The following PTPRO variants were observed in gnomAD, a reference collection of about 807,000 sequenced individuals.
PTPRO encodes the protein receptor-type tyrosine-protein phosphatase O.
Under a neutral mutation model 145.2 loss-of-function variants are expected in PTPRO, and 62 were observed. That is an observed-to-expected ratio of 0.43 (90% CI 0.35 to 0.53). The LOEUF (loss-of-function observed/expected upper bound fraction) is 0.53. Among genes scored for constraint, PTPRO ranks in the 20% least tolerant of loss-of-function variants. PTPRO has a pLI of 0.01. For synonymous variants in PTPRO, 565 were observed against 514.7 expected (o/e 1.10, Z -1.32); for missense variants, 1,345 against 1,482.7 (o/e 0.91, Z 1.53).
intron 1 of PTPRO, among the ~76,000 whole-genome samples, chr12:15,419,887 C>A (rs1291559987): frequency 6.6e-6 from 1 of 151,540 alleles, no homozygotes; most frequent in East Asian, 1.9e-4. Flanking sequence ...GTGGCTCACG[C>A]CTGTAATCCC....
chr12:15,546,708 G>C lies in PTPRO; in HGVS notation c.2304G>C (p.Gln768His). The change falls in exon 13 of 27, where the codon CAG (glutamine) becomes CAC (histidine). Residue 768 changes from glutamine to histidine, a missense_variant and splice_region_variant. By Grantham distance (24) the Gln-to-His change is conservative. Transcript: ENST00000281171. ...QVGSSQKTKL[Q>H]EPVAVSSHVV... ...GCTCCAGTCAGAAAACCAAACTTCA[G>C]GTACTGTACCTTTTGATCTACCTTT... 6.2e-7 allele frequency: 1 copy of C among 1,613,922 alleles called. No individual in the cohort carries two copies. The highest frequency in any genetic ancestry group is 8.5e-7 in the Non-Finnish European group (1 of 1,179,914).
At chr12:15,442,343 C>G (rs770225456) in intron 1 of PTPRO, among the ~76,000 whole-genome samples, 10 of 152,042 alleles carry the variant, frequency 6.6e-5, no homozygotes, top group Non-Finnish European at 1.3e-4. Flanking sequence ...AAGGAACATA[C>G]TTCAAAATAA....
At chr12:15,534,875 C>A (rs1177619253) in intron 12 of PTPRO, among the ~76,000 whole-genome samples, 1 of 152,170 alleles carries the variant, frequency 6.6e-6, no homozygotes, top group Non-Finnish European at 1.5e-5. Context: ...TTTGTGCCAG[C>A]TTTAAAAATT....
At chr12:15,468,436 C>G (rs1941466159) in intron 1 of PTPRO, among the ~76,000 whole-genome samples, 1 of 152,156 alleles carries the variant, frequency 6.6e-6, no homozygotes, top group African/African-American at 2.4e-5. Context: ...ATTTTGGTTT[C>G]TCATCCACAT....
intron 1 of PTPRO, among the ~76,000 whole-genome samples, chr12:15,402,710 G>A (rs1207416056): frequency 1.3e-5 from 2 of 152,110 alleles, no homozygotes; most frequent in East Asian, 3.9e-4. Context: ...TTGCCTTTAT[G>A]TTTGTTATTT....
At position 15,501,609 on chromosome 12, in the gene PTPRO, C is replaced by T; in HGVS notation, c.662-11C>T. The T allele has an allele frequency of 6.2e-7, 1 of 1,605,640 alleles. No homozygotes were observed. The highest frequency in any genetic ancestry group is 1.1e-5 in the South Asian group (1 of 90,840). On this transcript the variant is annotated splice_polypyrimidine_tract_variant and intron_variant, in intron 4 of 26. Coordinates refer to ENST00000281171, the MANE Select transcript of PTPRO (RefSeq NM_030667.3). ...AAAAATACTTGAAAATGAAAATTCT[C>T]TCTCTTACAGCCCCTTATCCACCTC... is the stretch of plus-strand genomic sequence containing the variant.
chr12:15,569,404 G>C lies in PTPRO; in HGVS notation c.2748-13G>C, dbSNP rs377393814. The C allele has an allele frequency of 5.0e-5, 80 of 1,599,268 alleles. No individual in the cohort carries two copies. Among genetic ancestry groups the C allele is most frequent in the Non-Finnish European group, 6.5e-5 (76 of 1,166,798 alleles). On this transcript the variant is annotated splice_polypyrimidine_tract_variant and intron_variant, in intron 18 of 26. Transcript: ENST00000281171. The stretch of plus-strand genomic sequence containing the variant: ...TTTTAAAATGTATGTATATTTCTTT[G>C]TGTTTGGCAAAGCCCGGTTCAACTG...
At chr12:15,445,616 C>A (rs1940881540) in intron 1 of PTPRO, among the ~76,000 whole-genome samples, 1 of 152,094 alleles carries the variant, frequency 6.6e-6, no homozygotes, top group Non-Finnish European at 1.5e-5. Context: ...AATGTTCTGT[C>A]CCGCTTTGAG....
intron 1 of PTPRO, among the ~76,000 whole-genome samples, chr12:15,369,987 G>A (rs1188360002): frequency 6.6e-6 from 1 of 152,130 alleles, no homozygotes; most frequent in Non-Finnish European, 1.5e-5. Context: ...GGGAAGTGGA[G>A]GTTGCAGTGA....
chr12:15,519,494 T>C (rs1172705044), intron 9 of PTPRO, among the ~76,000 whole-genome samples: 19 of 152,244 alleles, frequency 1.2e-4, no homozygotes, highest in Non-Finnish European at 2.1e-4. Flanking sequence ...ATTGAATGTA[T>C]TTGTTAATCA....
intron 1 of PTPRO, among the ~76,000 whole-genome samples, chr12:15,477,623 G>A (rs928645431): frequency 6.6e-6 from 1 of 152,130 alleles, no homozygotes; most frequent in Admixed American, 6.5e-5. Flanking sequence ...CAAGGGTATG[G>A]GGGCATTAAG....
chr12:15,564,148 A>G (rs2135593044), intron 17 of PTPRO, among the ~76,000 whole-genome samples: 2 of 152,326 alleles, frequency 1.3e-5, no homozygotes, highest in Middle Eastern at 6.8e-3. Context: ...GACAAAGAGG[A>G]TGAGGGAGAA....
At chr12:15,341,325 C>T (rs1367542111) in intron 1 of PTPRO, among the ~76,000 whole-genome samples, 3 of 152,142 alleles carry the variant, frequency 2.0e-5, no homozygotes, top group Admixed American at 2.0e-4. Context: ...AGGAAGACCC[C>T]AGAATATGCC....
At chr12:15,330,010 G>A (rs1386814207) in intron 1 of PTPRO, among the ~76,000 whole-genome samples, 1 of 152,212 alleles carries the variant, frequency 6.6e-6, no homozygotes, top group Admixed American at 6.5e-5. Context: ...CAAAGGCAAT[G>A]AAGCCACAGG....
chr12:15,519,483 A>C (rs1436005653), intron 9 of PTPRO, among the ~76,000 whole-genome samples: 1 of 152,204 alleles, frequency 6.6e-6, no homozygotes, highest in East Asian at 1.9e-4. Context: ...TGTCAACTCT[A>C]ATTGAATGTA....
At chr12:15,530,525 T>A (rs540761051) in intron 12 of PTPRO, among the ~76,000 whole-genome samples, 1 of 152,276 alleles carries the variant, frequency 6.6e-6, no homozygotes, top group South Asian at 2.1e-4. Context: ...ATATCAAGTA[T>A]CTTTTCTGAC....
chr12:15,530,739 G>C (rs1008049625), intron 12 of PTPRO, among the ~76,000 whole-genome samples: 1 of 151,970 alleles, frequency 6.6e-6, no homozygotes, highest in Admixed American at 6.6e-5. Context: ...TAGTATGAGG[G>C]AATTTTATAG....
intron 15 of PTPRO, among the ~76,000 whole-genome samples, chr12:15,556,016 C>A (rs1289442339): frequency 2.0e-5 from 3 of 152,120 alleles, no homozygotes; most frequent in Non-Finnish European, 4.4e-5. Flanking sequence ...AGCAAATCAT[C>A]CATGTGGATA....
At chr12:15,360,409 G>C (rs1356938051) in intron 1 of PTPRO, among the ~76,000 whole-genome samples, 1 of 151,986 alleles carries the variant, frequency 6.6e-6, no homozygotes, top group South Asian at 2.1e-4. Context: ...CGCTGTAAAA[G>C]AATAAAAATA....
Sources: allele counts gnomAD v4.1 joint callset (sites outside exome capture counted in the v4.1 genomes callset), GRCh38; gene constraint gnomAD v4.1.1; transcripts MANE v1.5; gene names NCBI Gene and HGNC (gene_info 2026-07-23, HGNC 2026-07-21).